Variants in RYR3 observed in about 807,000 individuals in gnomAD.
The protein encoded by RYR3 is ryanodine receptor 3, also known as brain ryanodine receptor-calcium release channel.
Under a neutral mutation model 584.3 loss-of-function variants are expected in RYR3, and 207 were observed. That is an observed-to-expected ratio of 0.35 (90% CI 0.32 to 0.40). The LOEUF (loss-of-function observed/expected upper bound fraction) is 0.40, where lower values mean the gene tolerates loss of function less well. RYR3 is among the 10% of genes least tolerant of loss of function. The pLI, the probability that RYR3 is intolerant of heterozygous loss-of-function variation, is 1.00. For missense variants in RYR3, 5,616 were observed against 6,089.2 expected (o/e 0.92, Z 2.59); for synonymous variants, 2,416 against 2,248.5 (o/e 1.07, Z -2.11).
chr15:33,719,741 T>A (rs1051339246), intron 43 of RYR3, among the ~76,000 whole-genome samples: 2 of 152,170 alleles, frequency 1.3e-5, no homozygotes, highest in African/African-American at 4.8e-5. Flanking sequence ...TAAGTATCCC[T>A]CCTGTGAGTA....
intron 1 of RYR3, among the ~76,000 whole-genome samples, chr15:33,319,888 A>C (rs534628045): frequency 1.3e-5 from 2 of 152,312 alleles, no homozygotes; most frequent in East Asian, 3.9e-4. Context: ...AGGGGTCTTA[A>C]ATTTGGTTTA....
chr15:33,462,579 A>G (rs754118607), intron 1 of RYR3, among the ~76,000 whole-genome samples: 1 of 152,358 alleles, frequency 6.6e-6, no homozygotes, highest in Middle Eastern at 3.4e-3. Context: ...GTCTTAACAC[A>G]GTAGCCAAGG....
chr15:33,840,635 T>C (rs946656954), intron 89 of RYR3, 190 bp from the exon 90 acceptor site: 10 of 604,720 alleles, frequency 1.7e-5, no homozygotes, highest in Non-Finnish European at 2.9e-5. Flanking sequence ...GTTTCAAATC[T>C]TTGTCTTGGC....
At chr15:33,680,285 T>G (rs1320926633) in intron 38 of RYR3, among the ~76,000 whole-genome samples, 1 of 152,212 alleles carries the variant, frequency 6.6e-6, no homozygotes, top group Non-Finnish European at 1.5e-5. Flanking sequence ...ACATTTATCT[T>G]TTCAGATGCG....
chr15:33,841,883 G>GAA lies in RYR3; in HGVS notation c.13058_13059dup (p.Asp4354LysfsTer17). 1 of 1,595,558 alleles carries GAA rather than the reference G, an allele frequency of 6.3e-7. No individual in the cohort carries two copies. The highest frequency in any genetic ancestry group is 8.5e-7 in the Non-Finnish European group (1 of 1,171,212). On this transcript the variant is annotated frameshift_variant, in exon 91 of 104. Coordinates refer to ENST00000634891, the MANE Select transcript of RYR3 (RefSeq NM_001036.6). LOFTEE classifies it high-confidence loss of function. Reference sequence around the variant, plus strand: ...CTGCAGCATGGAAGATGGAGAGAAGGAAGACAAAGACAAAGAAGAGGAGCA... The same window carrying GAA: ...CTGCAGCATGGAAGATGGAGAGAAGGAAAAGACAAAGACAAAGAAGAGGAGCA...
intron 71 of RYR3, 80 bp downstream of exon 71, chr15:33,810,729 C>A: frequency 6.4e-7 from 1 of 1,562,696 alleles, no homozygotes. Context: ...AGGGTTAGTC[C>A]TCCTCCCCTG....
chr15:33,768,345 A>G (rs763220311), intron 60 of RYR3, among the ~76,000 whole-genome samples: 1 of 152,248 alleles, frequency 6.6e-6, no homozygotes, highest in Non-Finnish European at 1.5e-5. Flanking sequence ...TGAACGTTTC[A>G]GTACATGGTA....
chr15:33,439,055 C>T (rs561986227), intron 1 of RYR3, among the ~76,000 whole-genome samples: 19 of 152,194 alleles, frequency 1.2e-4, no homozygotes, highest in African/African-American at 4.3e-4. Flanking sequence ...ATAAAAAGTT[C>T]TGTAATCTTT....
At chr15:33,646,657 AGAAAAT>A in intron 29 of RYR3, 131 bp downstream of exon 29, 1 of 811,950 alleles carries the variant, frequency 1.2e-6, no homozygotes, top group Non-Finnish European at 1.9e-6. Context: ...CAGGTAAAAA[AGAAAAT>A]GAGAATGTAT....
intron 16 of RYR3, among the ~76,000 whole-genome samples, chr15:33,596,821 G>A (rs183240969): frequency 3.3e-4 from 49 of 148,180 alleles, no homozygotes; most frequent in Admixed American, 2.4e-3. Flanking sequence ...CTCCCATCTA[G>A]CTGTAATTTT....
intron 14 of RYR3, among the ~76,000 whole-genome samples, 167 bp from the exon 15 acceptor site, chr15:33,584,228 A>C (rs996821401): frequency 6.6e-6 from 1 of 152,006 alleles, no homozygotes; most frequent in African/African-American, 2.4e-5. Flanking sequence ...CTGTCACTTA[A>C]AAAAAGAAAA....
intron 1 of RYR3, among the ~76,000 whole-genome samples, chr15:33,422,995 C>CAT (rs1373982834): frequency 6.6e-6 from 1 of 152,080 alleles, no homozygotes; most frequent in Non-Finnish European, 1.5e-5. Flanking sequence ...TAAATTGTAA[C>CAT]ATATATATAA....
rs1332872949 is a variant in RYR3 at position 33,550,222 on chromosome 15, A to G, written c.878A>G (p.His293Arg). The G allele has an allele frequency of 6.2e-7, 1 of 1,613,828 alleles. No individual in the cohort carries two copies. ...AFRLRHLTTG[H>R]YLALTEDQGL... ...CGACTCCGGCATCTCACCACAGGCC[A>G]CTACCTGGCCTTGACAGAAGACCAA... The change falls in exon 10 of 104, where the codon CAC becomes CGC. Residue 293 changes from histidine to arginine, a missense_variant. His to Arg is a conservative substitution (Grantham distance 29). Coordinates refer to ENST00000634891, the MANE Select transcript of RYR3 (RefSeq NM_001036.6).
chr15:33,768,592 G>A, intron 60 of RYR3, 66 bp from the exon 61 acceptor site: 1 of 1,345,300 alleles, frequency 7.4e-7, no homozygotes. Flanking sequence ...ACATTGGGGT[G>A]GGGGATACAA....
In RYR3 at chr15:33,475,099, A is replaced by G. The variant is rs188473987; in HGVS notation, c.171+1561A>G. ...TTCATTCCCGGCAGTCTGGGATAATAGGGAGGTCATTAGATTAGAAGTCAA... is the reference window on the plus strand; with the variant it reads ...TTCATTCCCGGCAGTCTGGGATAATGGGGAGGTCATTAGATTAGAAGTCAA... On this transcript the variant is annotated intron_variant, in intron 2 of 103. Transcript: ENST00000634891. Among the ~76,000 whole-genome samples the G allele has an allele frequency of 2.0e-5, 3 of 152,146 alleles. No individual in the cohort carries two copies. The East Asian group carries it at 5.8e-4, about 29-fold the overall frequency.
intron 2 of RYR3, among the ~76,000 whole-genome samples, chr15:33,503,348 T>G (rs1038285243): frequency 2.0e-5 from 3 of 152,034 alleles, no homozygotes; most frequent in Admixed American, 1.3e-4. Context: ...CTCCCTTCTT[T>G]GGCAAGGCTA....
intron 10 of RYR3, among the ~76,000 whole-genome samples, chr15:33,550,563 A>G (rs956486569): frequency 6.6e-6 from 1 of 152,218 alleles, no homozygotes; most frequent in East Asian, 1.9e-4. Flanking sequence ...TGCAAGGAGC[A>G]TAGGAATGGA....
chr15:33,336,434 GAAAGAA>G (rs370554728), intron 1 of RYR3, among the ~76,000 whole-genome samples: 435 of 18,562 alleles, frequency 0.023, 43 homozygotes, highest in South Asian at 0.042. Flanking sequence ...AAGAAAGAAA[GAAAGAA>G]AGAGAGAGAG....
chr15:33,460,833 T>A (rs1216592324), intron 1 of RYR3, among the ~76,000 whole-genome samples: 2 of 151,812 alleles, frequency 1.3e-5, no homozygotes, highest in Non-Finnish European at 2.9e-5. Context: ...TGTTTCCTGC[T>A]TGGCCCACCA....
Sources: gnomAD v4.1 joint callset for allele counts (sites outside exome capture counted in the v4.1 genomes callset) on GRCh38, gnomAD v4.1.1 for gene constraint, MANE v1.5 for transcripts, NCBI Gene and HGNC (gene_info 2026-07-23, HGNC 2026-07-21) for gene names.